The following KCNT2 variants were observed in gnomAD, a reference collection of about 807,000 sequenced individuals.
The protein encoded by KCNT2 is potassium sodium-activated channel subfamily T member 2, also known as potassium channel subfamily T member 2.
Under a neutral mutation model 153.8 loss-of-function variants are expected in KCNT2, and 67 were observed. The observed-to-expected ratio is 0.44, with a 90% CI of 0.36 to 0.53. KCNT2 has a LOEUF of 0.53. Among genes scored for constraint, KCNT2 ranks in the 20% least tolerant of loss-of-function variants. The pLI, the probability that KCNT2 is intolerant of heterozygous loss-of-function variation, is 0.00. For synonymous variants in KCNT2, 500 were observed against 458.8 expected (o/e 1.09, Z -1.15); for missense variants, 975 against 1,354.8 (o/e 0.72, Z 4.40).
chr1:196,475,009 A>G (rs938716671), intron 5 of KCNT2, among the ~76,000 whole-genome samples: 2 of 152,212 alleles, frequency 1.3e-5, no homozygotes, highest in Non-Finnish European at 2.9e-5. Context: ...AGTCTCAATG[A>G]AAGTTTAAAC....
At chr1:196,247,515 G>A (rs1655561471) in intron 26 of KCNT2, among the ~76,000 whole-genome samples, 1 of 152,156 alleles carries the variant, frequency 6.6e-6, no homozygotes, top group South Asian at 2.1e-4. Flanking sequence ...AATGTATAAA[G>A]AGAAATTGAC....
intron 8 of KCNT2, among the ~76,000 whole-genome samples, chr1:196,441,335 T>C (rs955946055): frequency 1.3e-5 from 2 of 151,264 alleles, no homozygotes; most frequent in Non-Finnish European, 3.0e-5. Context: ...AATATATATA[T>C]ATTTAAAAAG....
chr1:196,472,732 T>C (rs1490713427), intron 5 of KCNT2, among the ~76,000 whole-genome samples: 1 of 152,216 alleles, frequency 6.6e-6, no homozygotes, highest in Non-Finnish European at 1.5e-5. Flanking sequence ...ATACTATACT[T>C]ATAATTATAC....
chr1:196,357,211 C>T (rs1469072630), intron 14 of KCNT2, among the ~76,000 whole-genome samples: 1 of 151,886 alleles, frequency 6.6e-6, no homozygotes, highest in African/African-American at 2.4e-5. Flanking sequence ...GCAGTGATTA[C>T]ATTATTATGC....
intron 8 of KCNT2, among the ~76,000 whole-genome samples, chr1:196,449,011 T>C (rs1198751612): frequency 1.3e-5 from 2 of 151,734 alleles, no homozygotes; most frequent in African/African-American, 4.8e-5. Flanking sequence ...ATCTTTGCAG[T>C]TATTCAGCAC....
chr1:196,331,362 C>T (rs1323591945), intron 17 of KCNT2, 101 bp from the exon 18 acceptor site: 2 of 716,188 alleles, frequency 2.8e-6, no homozygotes, highest in Non-Finnish European at 5.1e-6. Flanking sequence ...ATAATCAATA[C>T]CTCTGTGTTG....
intron 16 of KCNT2, among the ~76,000 whole-genome samples, chr1:196,339,784 G>T (rs1665433062): frequency 6.6e-6 from 1 of 152,028 alleles, no homozygotes; most frequent in Non-Finnish European, 1.5e-5. Flanking sequence ...ATTCTTATTT[G>T]CATGGAGGTA....
intron 1 of KCNT2, among the ~76,000 whole-genome samples, chr1:196,597,461 T>C (rs1193616103): frequency 6.6e-6 from 1 of 152,078 alleles, no homozygotes; most frequent in Non-Finnish European, 1.5e-5. Context: ...TCTATAGTTA[T>C]ATCAGCACCA....
At chr1:196,305,203 A>T (rs1483144584) in intron 22 of KCNT2, 31 bp downstream of exon 22, 2 of 1,229,226 alleles carry the variant, frequency 1.6e-6, no homozygotes, top group East Asian at 4.7e-5. Flanking sequence ...AGATGGTTAA[A>T]TCTAATTTAC....
chr1:196,424,748 A>T (rs1342844487), intron 11 of KCNT2, among the ~76,000 whole-genome samples: 1 of 151,924 alleles, frequency 6.6e-6, no homozygotes, highest in Non-Finnish European at 1.5e-5. Context: ...CAAAGGTAAC[A>T]TCAGAGTTCC....
intron 21 of KCNT2, among the ~76,000 whole-genome samples, chr1:196,309,951 A>G (rs1183055793): frequency 6.6e-6 from 1 of 151,944 alleles, no homozygotes; most frequent in Non-Finnish European, 1.5e-5. Flanking sequence ...TGATGTAAAT[A>G]TAATTGTGGA....
In KCNT2 at chr1:196,604,122, G is replaced by A. The variant is rs2149037909; in HGVS notation, c.95+4093C>T. Among the ~76,000 whole-genome samples the A allele has an allele frequency of 1.3e-5, 2 of 152,290 alleles. 1 individual carries two copies. The highest frequency in any genetic ancestry group is 4.2e-4 in the South Asian group (2 of 4,814). ...ATGCCTTGAGCTATCTCTAATATGT[G>A]ATTTCAACTACTTTATTTTCAAGCA... On this transcript the variant is annotated intron_variant, in intron 1 of 27. Coordinates refer to ENST00000294725, the MANE Select transcript of KCNT2 (RefSeq NM_198503.5).
chr1:196,362,781 C>A lies in KCNT2; in HGVS notation c.1403+10359G>T, dbSNP rs574115192. 3.3e-5 allele frequency among the ~76,000 whole-genome samples: 5 copies of A among 152,110 alleles called. No individual in the cohort carries two copies. The South Asian group carries it at 1.0e-3, about 32-fold the overall frequency. ...AGGCAGTCATTTTGTAGGATGCTCT[C>A]AATATTTCACATGATTAGAAAATGT... is the stretch of plus-strand genomic sequence containing the variant. On this transcript the variant is annotated intron_variant, in intron 14 of 27. Transcript: ENST00000294725.
Position 196,227,283 on chromosome 1 carries a change from CT to C in KCNT2, c.*940del, listed in dbSNP as rs1368054064. ...GTCCATAAAAGGTATAAATTATCTT[CT>C]GTCAATTTTAAAAGAATTTTTCTAG... On this transcript the variant is annotated 3_prime_UTR_variant, in exon 28 of 28. Coordinates refer to ENST00000294725, the MANE Select transcript of KCNT2 (RefSeq NM_198503.5). The C allele has an allele frequency of 6.6e-6, 1 of 151,890 alleles. No homozygotes were observed. Among genetic ancestry groups the C allele is most frequent in the Non-Finnish European group, 1.5e-5 (1 of 67,850 alleles). 9.4% of individuals were successfully genotyped at this position (151,890 alleles called of 1,614,324 possible).
At chr1:196,273,620 G>A in intron 25 of KCNT2, 1 of 586,512 alleles carries the variant, frequency 1.7e-6, no homozygotes, top group Non-Finnish European at 3.0e-6. Context: ...CCAATTGCAT[G>A]CATATTTCTC....
At chr1:196,278,922 G>A (rs920090232) in intron 25 of KCNT2, among the ~76,000 whole-genome samples, 2 of 152,184 alleles carry the variant, frequency 1.3e-5, no homozygotes, top group African/African-American at 4.8e-5. Context: ...ATTAGATCAT[G>A]AAAGAGCCTT....
intron 17 of KCNT2, among the ~76,000 whole-genome samples, chr1:196,331,670 T>C (rs529215756): frequency 6.6e-6 from 1 of 152,206 alleles, no homozygotes; most frequent in East Asian, 1.9e-4. Flanking sequence ...AAGCCTGAAA[T>C]ATTTACTGGT....
intron 19 of KCNT2, among the ~76,000 whole-genome samples, chr1:196,326,103 A>G (rs2148068921): frequency 6.6e-6 from 1 of 152,242 alleles, no homozygotes; most frequent in East Asian, 1.9e-4. Context: ...AATGGCTTTG[A>G]CTGTCTCATT....
chr1:196,600,004 T>C (rs1251817363), intron 1 of KCNT2, among the ~76,000 whole-genome samples: 3 of 151,812 alleles, frequency 2.0e-5, no homozygotes, highest in African/African-American at 7.2e-5. Flanking sequence ...ACGTTAATGA[T>C]TTATTTTTTC....
Sources: gnomAD v4.1 joint callset for allele counts (sites outside exome capture counted in the v4.1 genomes callset) on GRCh38, gnomAD v4.1.1 for gene constraint, MANE v1.5 for transcripts, NCBI Gene and HGNC (gene_info 2026-07-23, HGNC 2026-07-21) for gene names.